NKX2-2: variants seen among roughly 807,000 people sequenced by gnomAD.
NKX2-2 encodes NK2 homeobox 2.
NKX2-2 carries 8 observed loss-of-function variants against 24.6 expected under a neutral mutation model. The ratio of observed to expected loss-of-function variants is 0.32; its 90% confidence interval spans 0.19 to 0.59. NKX2-2 has a LOEUF of 0.59. Among genes scored for constraint, NKX2-2 ranks in the 20% least tolerant of loss-of-function variants. The probability of loss-of-function intolerance (pLI) is 0.86; values close to 1 mark genes in which losing one functional copy is unlikely to be tolerated. For missense variants in NKX2-2, 381 were observed against 373.9 expected, an observed-to-expected ratio of 1.02 and a Z score of -0.16; for synonymous variants, 217 against 173.3, an observed-to-expected ratio of 1.25 and a Z score of -1.98.
Position 21,513,402 on chromosome 20 carries a change from G to T in NKX2-2, c.259+9C>A. The T allele has an allele frequency of 6.6e-7, 1 of 1,512,964 alleles. No individual in the cohort carries two copies. Among genetic ancestry groups the T allele is most frequent in the Non-Finnish European group, 8.9e-7 (1 of 1,128,994 alleles). The allele number at this position is 1,512,964 out of a possible 1,614,324, so 93.7% of individuals were successfully genotyped here. A position where few individuals can be genotyped will look rare whatever the true frequency, so the allele number is the denominator to read the frequency against. On this transcript the variant is annotated intron_variant, in intron 1 of 1. Coordinates refer to ENST00000377142, the MANE Select transcript of NKX2-2 (RefSeq NM_002509.4). This position sits in a 1 kb window ranked among gnomAD's most constrained non-coding sequence, Gnocchi z 4.6. ...ACCACGGCCTCGGCAGCCAAGTTTT[G>T]CTACTTACGGGAGTACTGAAGGCCC...
chr20:21,519,901 T>A, the NKX2-2 span, among the ~76,000 whole-genome samples: 3 of 152,104 alleles, frequency 2.0e-5, no homozygotes, highest in African/African-American at 7.2e-5. Context: ...GGCAGATCTC[T>A]GGCAGGAGAG....
At position 21,512,298 on chromosome 20, in the gene NKX2-2, C is replaced by T. The variant is rs1286041044; in HGVS notation, c.447G>A (p.Gln149=). The T allele has an allele frequency of 5.0e-6, 8 of 1,613,656 alleles. No homozygotes were observed. In the East Asian group the frequency reaches 8.9e-5, roughly 18 times the overall value. The change falls in exon 2 of 2, where the codon CAG becomes CAA. Residue 149 remains glutamine, a synonymous_variant. Transcript: ENST00000377142. ...QTYELERRFR[Q]QRYLSAPERE... is the part of the protein sequence containing the mutation. ...GCTCGGGCGCCGACAGGTACCGCTG[C>T]TGCCGAAAGCGCCGCTCCAGCTCGT...
At chr20:21,515,326 A>AG (rs1164221228), upstream of NKX2-2, among the ~76,000 whole-genome samples, 3 of 149,398 alleles carry the variant, frequency 2.0e-5, no homozygotes, top group Non-Finnish European at 3.0e-5. Context: ...GCTGCGGGGG[A>AG]GGGGGGTCGC....
upstream of NKX2-2, among the ~76,000 whole-genome samples, chr20:21,516,918 C>G (rs184124788): frequency 2.0e-5 from 3 of 152,356 alleles, no homozygotes; most frequent in African/African-American, 4.8e-5. Flanking sequence ...CTTCTCTCCC[C>G]CTTCCCCAGC....
chr20:21,512,112 G>C lies in NKX2-2; in HGVS notation c.633C>G (p.Asp211Glu), dbSNP rs761510395. Residue 211 changes from aspartate to glutamate, a missense_variant, in exon 2 of 2, where the codon GAC becomes GAG. By Grantham distance (45) the Asp-to-Glu change is conservative (BLOSUM62 2). Around this residue, in one of 3 missense-constraint regions of NKX2-2, gnomAD observed 139 missense variants for 121.7 expected, o/e 1.14. Coordinates refer to ENST00000377142, the MANE Select transcript of NKX2-2 (RefSeq NM_002509.4). Reference sequence around the variant, plus strand: ...CTTTGAGCGCGTGACATGGTTTGCCGTCCCTGACCAAGACGGGCACGGCCA... The same window carrying C: ...CTTTGAGCGCGTGACATGGTTTGCCCTCCCTGACCAAGACGGGCACGGCCA... Reference protein sequence around the residue: ...RRVAVPVLVRDGKPCHALKAQ... With the variant: ...RRVAVPVLVREGKPCHALKAQ... 6.2e-7 allele frequency: 1 copy of C among 1,613,788 alleles called. No homozygotes were observed.
At chr20:21,515,144 G>C (rs2122546968), upstream of NKX2-2, among the ~76,000 whole-genome samples, 1 of 152,246 alleles carries the variant, frequency 6.6e-6, no homozygotes, top group Non-Finnish European at 1.5e-5. Context: ...CTTTCCCCGG[G>C]TGGAGGAAAG....
chr20:21,519,284 G>A, the NKX2-2 span, among the ~76,000 whole-genome samples: 1 of 152,150 alleles, frequency 6.6e-6, no homozygotes, highest in African/African-American at 2.4e-5. Flanking sequence ...TCAGGCCCTC[G>A]CACATCCCAT....
chr20:21,520,383 A>G, the NKX2-2 span, among the ~76,000 whole-genome samples: 1 of 152,224 alleles, frequency 6.6e-6, no homozygotes, highest in Admixed American at 6.5e-5. Flanking sequence ...CAAAAGGGGC[A>G]CATATCTCCC....
rs755667448 is a variant in NKX2-2 at position 21,513,482 on chromosome 20, T to G, written c.188A>C (p.Asn63Thr). The stretch of plus-strand genomic sequence containing the variant: ...GTTGTCGCTGCTGTCGTAGAAGGGG[T>G]TCTTCAGGGGCAGGCTCTGCACCGC... ...LDAVQSLPLK[N>T]PFYDSSDNPY... Residue 63 changes from asparagine to threonine, a missense_variant, in exon 1 of 2, where the codon AAC becomes ACC. Asn to Thr is a moderately conservative substitution (Grantham distance 65, BLOSUM62 0). Transcript: ENST00000377142. The surrounding 1 kb of genome is among the most constrained non-coding windows in gnomAD (Gnocchi z 4.6). 1 of 1,609,726 alleles carries G rather than the reference T, an allele frequency of 6.2e-7. No individual in the cohort carries two copies.
upstream of NKX2-2, among the ~76,000 whole-genome samples, chr20:21,515,918 G>A (rs944900956): frequency 3.3e-5 from 5 of 152,196 alleles, no homozygotes; most frequent in African/African-American, 9.6e-5. Flanking sequence ...AGTATGTGAC[G>A]TGGGTGACAA....
In NKX2-2 at chr20:21,512,028, C is replaced by A. The variant is rs141706346; in HGVS notation, c.717G>T (p.Ala239=). ...TGTACTGCATGTGCTGCAGCGACTGCGCGCTGTAGGCAGAAAAGGGAATGC... is the reference window on the plus strand; with the variant it reads ...TGTACTGCATGTGCTGCAGCGACTGAGCGCTGTAGGCAGAAAAGGGAATGC... The part of the protein sequence containing the change: ...QAGIPFSAYS[A]QSLQHMQYNA... Residue 239 remains alanine (A), a synonymous_variant, in exon 2 of 2, where the codon GCG becomes GCT. Coordinates refer to ENST00000377142, the MANE Select transcript of NKX2-2 (RefSeq NM_002509.4). 18 of 1,613,464 alleles carry A rather than the reference C, an allele frequency of 1.1e-5. No individual in the cohort carries two copies. Among genetic ancestry groups the A allele is most frequent in the African/African-American group, 2.7e-5 (2 of 74,926 alleles).
At chr20:21,522,514 C>G in the NKX2-2 span, among the ~76,000 whole-genome samples, 1 of 152,120 alleles carries the variant, frequency 6.6e-6, no homozygotes, top group Non-Finnish European at 1.5e-5. Flanking sequence ...GGGTGCCCCG[C>G]GCCATCCCCA....
At chr20:21,520,220 C>T in the NKX2-2 span, among the ~76,000 whole-genome samples, 4 of 151,984 alleles carry the variant, frequency 2.6e-5, no homozygotes, top group Non-Finnish European at 5.9e-5. Flanking sequence ...ATTGATGCCA[C>T]GGAGAGAACT....
At position 21,513,699 on chromosome 20, in the gene NKX2-2, A is replaced by G. The variant is rs1456522816; in HGVS notation, c.-30T>C. 1 of 1,224,320 alleles carries G rather than the reference A, an allele frequency of 8.2e-7. No individual in the cohort carries two copies. 75.8% of individuals were successfully genotyped at this position (1,224,320 alleles called of 1,614,324 possible). On this transcript the variant is annotated 5_prime_UTR_variant, in exon 1 of 2. Transcript: ENST00000377142. The surrounding 1 kb of genome is among the most constrained non-coding windows in gnomAD (Gnocchi z 4.6). ...CGAGACCCCAAAATTTATGTCGCAA[A>G]GTTGTAGCTTCACTTGGTCAATTCG...
the NKX2-2 span, among the ~76,000 whole-genome samples, chr20:21,520,674 C>G: frequency 6.6e-6 from 1 of 151,920 alleles, no homozygotes; most frequent in African/African-American, 2.4e-5. Flanking sequence ...TCGGGCCAAA[C>G]GAGCCTGTCC....
Position 21,511,706 on chromosome 20 carries a change from G to GGAGA in NKX2-2, c.*213_*216dup, listed in dbSNP as rs1223218076. 2.3e-6 allele frequency: 1 copy of GGAGA among 434,168 alleles called. No homozygotes were observed. Among genetic ancestry groups the GGAGA allele is most frequent in the African/African-American group, 2.0e-5 (1 of 49,114 alleles). 26.9% of individuals were successfully genotyped at this position (434,168 alleles called of 1,614,324 possible). On this transcript the variant is annotated 3_prime_UTR_variant, in exon 2 of 2. Coordinates refer to ENST00000377142, the MANE Select transcript of NKX2-2 (RefSeq NM_002509.4). ...TTCAGCCCTCTCCCAAGGTTCAGAAGGAGAGGCATGGGCAGAGCTGGGTGG... is the reference window on the plus strand; with the variant it reads ...TTCAGCCCTCTCCCAAGGTTCAGAAGGAGAGAGAGGCATGGGCAGAGCTGGGTGG...
upstream of NKX2-2, among the ~76,000 whole-genome samples, chr20:21,514,568 T>C (rs1980567733): frequency 6.6e-6 from 1 of 152,172 alleles, no homozygotes; most frequent in Admixed American, 6.5e-5. Context: ...AAATCCTCTT[T>C]AACATTCACC....
the NKX2-2 span, among the ~76,000 whole-genome samples, chr20:21,520,731 C>T: frequency 6.6e-6 from 1 of 152,170 alleles, no homozygotes; most frequent in Non-Finnish European, 1.5e-5. Context: ...AACGCCACGT[C>T]CCCCTGGGCG....
rs763717571 is a variant in NKX2-2, at chr20:21,512,029, G to A, written c.716C>T (p.Ala239Val). 2.0e-4 allele frequency: 316 copies of A among 1,613,658 alleles called. 4 individuals are homozygous for A. Among genetic ancestry groups the A allele is most frequent in the Middle Eastern group, 1.3e-3 (8 of 6,060 alleles). ...GTACTGCATGTGCTGCAGCGACTGC[G>A]CGCTGTAGGCAGAAAAGGGAATGCC... ...QAGIPFSAYS[A>V]QSLQHMQYNA... Residue 239 changes from alanine to valine, a missense_variant, in exon 2 of 2, where the codon GCG becomes GTG. Physicochemically the swap from Ala to Val is moderately conservative, Grantham distance 64 (BLOSUM62 0). Coordinates refer to ENST00000377142, the MANE Select transcript of NKX2-2 (RefSeq NM_002509.4).
Sources: gnomAD v4.1 joint callset for allele counts (sites outside exome capture counted in the v4.1 genomes callset) on GRCh38, gnomAD v4.1.1 for gene constraint, gnomAD v4.1.1 regional missense constraint, Gnocchi (gnomAD v3.1) non-coding constraint, MANE v1.5 for transcripts, NCBI Gene and HGNC (gene_info 2026-07-23, HGNC 2026-07-21) for gene names.